CNTN5: variants seen among roughly 807,000 people sequenced by gnomAD.
CNTN5 encodes the protein contactin 5, also known as contactin-5.
A neutral mutation model predicts 129.1 loss-of-function variants in CNTN5; 77 were observed. The observed-to-expected ratio is 0.60, with a 90% confidence interval of 0.50 to 0.72. The LOEUF (loss-of-function observed/expected upper bound fraction) is 0.72, where lower values mean the gene tolerates loss of function less well. Ranked by LOEUF, CNTN5 falls within the 30% of genes least tolerant of loss-of-function variation. The pLI, the probability that CNTN5 is intolerant of heterozygous loss-of-function variation, is 0.00. For synonymous variants in CNTN5, 509 were observed against 465.6 expected (o/e 1.09, Z -1.20); for missense variants, 1,478 against 1,328.8 (o/e 1.11, Z -1.75).
intron 2 of CNTN5, among the ~76,000 whole-genome samples, chr11:99,513,138 C>G (rs540172501): frequency 6.6e-6 from 1 of 152,230 alleles, no homozygotes; most frequent in South Asian, 2.1e-4. Flanking sequence ...TTTTGGTGGT[C>G]TGGATAGAGG....
At chr11:99,993,793 A>C (rs577816418) in intron 8 of CNTN5, among the ~76,000 whole-genome samples, 1 of 152,226 alleles carries the variant, frequency 6.6e-6, no homozygotes, top group East Asian at 1.9e-4. Flanking sequence ...AATCCCATGA[A>C]ATGTAAAGCA....
intron 1 of CNTN5, among the ~76,000 whole-genome samples, chr11:99,062,481 A>C (rs1864925070): frequency 6.6e-6 from 1 of 152,132 alleles, no homozygotes; most frequent in African/African-American, 2.4e-5. Flanking sequence ...GAGGAACACT[A>C]ACATAACAGC....
chr11:99,030,927 C>G (rs1863345218), intron 1 of CNTN5, among the ~76,000 whole-genome samples: 1 of 151,876 alleles, frequency 6.6e-6, no homozygotes. Context: ...ACTGGAGGCG[C>G]TCGCCACCAC....
intron 3 of CNTN5, among the ~76,000 whole-genome samples, chr11:99,716,641 A>G (rs2134995669): frequency 1.3e-5 from 2 of 152,202 alleles, no homozygotes; most frequent in Admixed American, 1.3e-4. Context: ...TAGAAATTGT[A>G]ATAAATCTCT....
intron 1 of CNTN5, among the ~76,000 whole-genome samples, chr11:99,099,327 G>A (rs1040042588): frequency 2.2e-4 from 33 of 152,044 alleles, no homozygotes; most frequent in Non-Finnish European, 1.2e-4. Flanking sequence ...TATGGGCCTT[G>A]ACTATACTCC....
At chr11:99,859,335 A>T (rs984669323) in intron 6 of CNTN5, among the ~76,000 whole-genome samples, 2 of 152,042 alleles carry the variant, frequency 1.3e-5, no homozygotes, top group African/African-American at 4.8e-5. Context: ...ATCCTTTTTT[A>T]TTTTCAATTG....
intron 2 of CNTN5, among the ~76,000 whole-genome samples, chr11:99,455,541 T>C (rs112794894): frequency 0.012 from 1,874 of 152,204 alleles, 43 homozygotes; most frequent in African/African-American, 0.042. Context: ...TATGCTGTTG[T>C]CGAAATCAAA....
chr11:99,066,111 CT>C (rs1316642648), intron 1 of CNTN5, among the ~76,000 whole-genome samples: 1 of 151,904 alleles, frequency 6.6e-6, no homozygotes, highest in Admixed American at 6.6e-5. Flanking sequence ...AGTATTTATC[CT>C]TTTTGTTTAG....
At chr11:99,441,600 T>A (rs1314750560) in intron 2 of CNTN5, among the ~76,000 whole-genome samples, 2 of 152,188 alleles carry the variant, frequency 1.3e-5, no homozygotes, top group African/African-American at 2.4e-5. Context: ...CTTCCCTTTT[T>A]CATTGATGAT....
chr11:99,245,219 G>A (rs139811769), intron 1 of CNTN5, among the ~76,000 whole-genome samples: 1 of 152,218 alleles, frequency 6.6e-6, no homozygotes, highest in East Asian at 1.9e-4. Flanking sequence ...ATTAATTCTG[G>A]TACAAAAGTA....
chr11:99,673,375 CA>C (rs1591458340), intron 3 of CNTN5, among the ~76,000 whole-genome samples: 1 of 152,174 alleles, frequency 6.6e-6, no homozygotes, highest in African/African-American at 2.4e-5. Context: ...AATGATTATA[CA>C]GAGTCATGGT....
At chr11:99,812,735 A>G (rs1002293703) in intron 3 of CNTN5, among the ~76,000 whole-genome samples, 18 of 152,114 alleles carry the variant, frequency 1.2e-4, no homozygotes, top group African/African-American at 1.9e-4. Flanking sequence ...AATCTCACCC[A>G]AAAATTTCAT....
At chr11:99,951,543 A>G (rs374796310) in intron 7 of CNTN5, among the ~76,000 whole-genome samples, 124 of 152,286 alleles carry the variant, frequency 8.1e-4, no homozygotes, top group African/African-American at 2.8e-3. Context: ...ATAATTGGTC[A>G]TCCATGAGGC....
At chr11:100,092,699 G>A (rs1944835839) in intron 13 of CNTN5, among the ~76,000 whole-genome samples, 1 of 152,038 alleles carries the variant, frequency 6.6e-6, no homozygotes, top group Non-Finnish European at 1.5e-5. Context: ...TGTGGAATAG[G>A]ACTGTGCTCT....
chr11:100,017,261 G>A (rs1940876609), intron 9 of CNTN5, among the ~76,000 whole-genome samples: 2 of 151,950 alleles, frequency 1.3e-5, no homozygotes, highest in Non-Finnish European at 2.9e-5. Flanking sequence ...CAGACACACA[G>A]AGGAAGAATA....
chr11:99,797,600 C>T (rs927047982), intron 3 of CNTN5, among the ~76,000 whole-genome samples: 24 of 152,044 alleles, frequency 1.6e-4, no homozygotes, highest in Admixed American at 4.6e-4. Flanking sequence ...CTGTTCATGT[C>T]CTTTGCCCAC....
chr11:99,956,811 A>G lies in CNTN5; in HGVS notation c.679A>G (p.Ile227Val). The G allele has an allele frequency of 1.2e-6, 2 of 1,613,674 alleles. No individual in the cohort carries two copies. The highest frequency in any genetic ancestry group is 1.7e-6 in the Non-Finnish European group (2 of 1,179,662). ...CAAATTTTGTGTATTTTCAGAGATC[A>G]TCTATAGCTGGGTATTTAATGAGTT... is the stretch of plus-strand genomic sequence containing the variant. ...CSPPPHSPEI[I>V]YSWVFNEFPS... The change falls in exon 8 of 25, where the codon ATC (isoleucine) becomes GTC (valine). Residue 227 changes from isoleucine to valine, a missense_variant. Transcript: ENST00000524871.
rs374357298 is a variant in CNTN5 at position 99,224,169 on chromosome 11, T to G, written c.-209-101177T>G. 2.1e-4 allele frequency among the ~76,000 whole-genome samples: 32 copies of G among 152,270 alleles called. No homozygotes were observed. The East Asian group carries it at 2.9e-3, about 14-fold the overall frequency. Reference sequence around the variant, plus strand: ...TAGAAATGTGAAATATTTTACATTTTATTCCATAATTTAGCTGAGAGAGCT... The same window carrying G: ...TAGAAATGTGAAATATTTTACATTTGATTCCATAATTTAGCTGAGAGAGCT... On this transcript the variant is annotated intron_variant, in intron 1 of 24. Coordinates refer to ENST00000524871, the MANE Select transcript of CNTN5 (RefSeq NM_014361.4).
At chr11:99,908,825 T>C (rs1949579076) in intron 6 of CNTN5, among the ~76,000 whole-genome samples, 1 of 152,136 alleles carries the variant, frequency 6.6e-6, no homozygotes, top group Non-Finnish European at 1.5e-5. Flanking sequence ...TATGATGTAA[T>C]TAAAAGTGTC....
Sources: gnomAD v4.1 joint callset for allele counts (sites outside exome capture counted in the v4.1 genomes callset) on GRCh38, gnomAD v4.1.1 for gene constraint, MANE v1.5 for transcripts, NCBI Gene and HGNC (gene_info 2026-07-23, HGNC 2026-07-21) for gene names.